Variants in CAST observed in about 807,000 individuals in gnomAD.
CAST encodes MIR583 host.
In CAST, 76 loss-of-function variants were observed where a neutral mutation model predicts 119.6. The ratio of observed to expected loss-of-function variants is 0.64; its 90% CI spans 0.53 to 0.77. CAST has a LOEUF of 0.77. Ranked by LOEUF, CAST falls within the 30% of genes least tolerant of loss-of-function variation. The pLI, the probability that CAST is intolerant of heterozygous loss-of-function variation, is 0.00. For synonymous variants in CAST, 319 were observed against 331.6 expected, an observed-to-expected ratio of 0.96 and a Z score of 0.41; for missense variants, 953 against 946.5, an observed-to-expected ratio of 1.01 and a Z score of -0.09.
intron 1 of CAST, among the ~76,000 whole-genome samples, chr5:96,654,027 C>CTTTTCT (rs1458114046): frequency 1.6e-5 from 2 of 126,960 alleles, no homozygotes; most frequent in African/African-American, 6.0e-5. Flanking sequence ...CTTTTCTTTT[C>CTTTTCT]TTTTTTTTTT....
At chr5:96,405,322 T>C in the CAST span, among the ~76,000 whole-genome samples, 1 of 152,128 alleles carries the variant, frequency 6.6e-6, no homozygotes, top group East Asian at 1.9e-4. Flanking sequence ...TATAAGCCAT[T>C]CCCCAGAAAT....
chr5:96,190,506 C>T, the CAST span, among the ~76,000 whole-genome samples: 1 of 152,190 alleles, frequency 6.6e-6, no homozygotes, highest in Non-Finnish European at 1.5e-5. Flanking sequence ...GTCTCTGCTG[C>T]AGCCTCCCAT....
chr5:96,504,113 C>T, the CAST span, among the ~76,000 whole-genome samples: 1 of 152,148 alleles, frequency 6.6e-6, no homozygotes, highest in Non-Finnish European at 1.5e-5. Flanking sequence ...AATGCACGGC[C>T]TATGACATGC....
intron 1 of CAST, among the ~76,000 whole-genome samples, chr5:96,643,246 C>T (rs377141203): frequency 1.1e-4 from 16 of 152,300 alleles, no homozygotes; most frequent in African/African-American, 3.8e-4. Context: ...TTCTAAGTTA[C>T]TTTTGCTATC....
At chr5:96,083,484 A>G in the CAST span, among the ~76,000 whole-genome samples, 6 of 152,330 alleles carry the variant, frequency 3.9e-5, no homozygotes, top group East Asian at 9.6e-4. Flanking sequence ...TCCCTTTCCC[A>G]GAAGTGGTGA....
the CAST span, among the ~76,000 whole-genome samples, chr5:96,366,177 G>T: frequency 6.6e-6 from 1 of 152,202 alleles, no homozygotes; most frequent in Admixed American, 6.5e-5. Context: ...CTGTCTTGTA[G>T]AGTTTCTGCA....
the CAST span, among the ~76,000 whole-genome samples, chr5:96,128,928 G>A: frequency 0.66 from 99,802 of 151,884 alleles, 33,240 homozygotes; most frequent in African/African-American, 0.74. Context: ...AGCTGTGAAA[G>A]TAGGGCCAGT....
At chr5:96,729,109 G>T (rs748962860) in intron 6 of CAST, 44 bp from the exon 7 acceptor site, 1 of 1,148,724 alleles carries the variant, frequency 8.7e-7, no homozygotes, top group South Asian at 1.3e-5. Flanking sequence ...AGTATTACAA[G>T]TTGGATTCCA....
intron 1 of CAST, among the ~76,000 whole-genome samples, chr5:96,645,385 TG>T (rs1392717845): frequency 6.6e-6 from 1 of 152,210 alleles, no homozygotes; most frequent in African/African-American, 2.4e-5. Context: ...TCCACTTCAA[TG>T]TTATTATTTC....
At chr5:96,717,530 A>G (rs1281593032) in intron 3 of CAST, among the ~76,000 whole-genome samples, 1 of 152,218 alleles carries the variant, frequency 6.6e-6, no homozygotes, top group Non-Finnish European at 1.5e-5. Flanking sequence ...ACGGCTATCA[A>G]AACAATTCAA....
At chr5:96,227,866 G>A in the CAST span, among the ~76,000 whole-genome samples, 3 of 152,082 alleles carry the variant, frequency 2.0e-5, no homozygotes, top group Admixed American at 1.3e-4. Context: ...GGGTGGCAAC[G>A]CGACTAAGTT....
At chr5:96,442,556 G>A in the CAST span, among the ~76,000 whole-genome samples, 5 of 152,216 alleles carry the variant, frequency 3.3e-5, no homozygotes, top group Non-Finnish European at 7.4e-5. Context: ...CAGTATCCCT[G>A]GCATTAATGC....
chr5:96,668,993 A>G (rs1749706895), intron 1 of CAST, among the ~76,000 whole-genome samples: 1 of 152,138 alleles, frequency 6.6e-6, no homozygotes, highest in South Asian at 2.1e-4. Flanking sequence ...GGGTGGGGCA[A>G]AGGGAATACC....
the CAST span, among the ~76,000 whole-genome samples, chr5:96,347,196 A>G: frequency 6.6e-6 from 1 of 152,164 alleles, no homozygotes. Flanking sequence ...CAGTCAAGTC[A>G]TCCTGTCCAT....
chr5:96,545,548 T>C (rs1215270815), intron 1 of CAST, among the ~76,000 whole-genome samples: 1 of 152,220 alleles, frequency 6.6e-6, no homozygotes, highest in East Asian at 1.9e-4. Context: ...GTCTAATCAA[T>C]GTGCCACCAA....
At chr5:96,727,684 G>A (rs956118961) in intron 6 of CAST, among the ~76,000 whole-genome samples, 154 bp downstream of exon 6, 1 of 151,936 alleles carries the variant, frequency 6.6e-6, no homozygotes, top group Admixed American at 6.6e-5. Flanking sequence ...TGTACATGTA[G>A]AATATATAAA....
chr5:96,411,028 T>C, the CAST span: 10 of 1,379,288 alleles, frequency 7.3e-6, no homozygotes, highest in Admixed American at 5.0e-5. Flanking sequence ...TTATCATCTA[T>C]TGGGGTCATT....
At chr5:96,496,836 CT>C in the CAST span, among the ~76,000 whole-genome samples, 20 of 149,796 alleles carry the variant, frequency 1.3e-4, no homozygotes, top group Middle Eastern at 3.4e-3. Flanking sequence ...CACTGTTTTG[CT>C]TTTTTTTTAG....
the CAST span, among the ~76,000 whole-genome samples, chr5:96,320,832 G>A: frequency 2.6e-5 from 4 of 152,186 alleles, no homozygotes; most frequent in African/African-American, 9.7e-5. Flanking sequence ...CTAGGGGGAT[G>A]CAGTTGGGTG....
Sources: gnomAD v4.1 joint callset for allele counts (sites outside exome capture counted in the v4.1 genomes callset) on GRCh38, gnomAD v4.1.1 for gene constraint, MANE v1.5 for transcripts, NCBI Gene and HGNC (gene_info 2026-07-23, HGNC 2026-07-21) for gene names.